The following SPIN3 variants were observed in gnomAD, a reference collection of about 807,000 sequenced individuals.
SPIN3 encodes the protein spindlin family member 3, also known as spindlin-3.
For synonymous variants in SPIN3, 74 were observed against 74.3 expected (o/e 1.00, Z 0.02); for missense variants, 176 against 196.4 (o/e 0.90, Z 0.62).
chrX:56,992,635 G>C lies in SPIN3; in HGVS notation c.*1536C>G, dbSNP rs749971647. 3.4e-6 allele frequency: 1 copy of C among 294,287 alleles called. No homozygotes were observed. Among genetic ancestry groups the C allele is most frequent in the South Asian group, 2.1e-4 (1 of 4,699 alleles). 24.3% of individuals were successfully genotyped at this position (294,287 alleles called of 1,213,427 possible). A position where few individuals can be genotyped will look rare whatever the true frequency, so the allele number is the denominator to read the frequency against. On this transcript the variant is annotated 3_prime_UTR_variant, in exon 2 of 2. Transcript: ENST00000374919. ...AGTCCCAATATGATTGTACTGCCTT[G>C]AGTCCCAGCCCCAAATGTGCAGAAC...
chrX:56,979,288 C>T (rs1924067163), intron 3 of SPIN3: 1 of 110,179 alleles, frequency 9.1e-6, no homozygotes. Context: ...GTTTCTTAGT[C>T]AAGCCCTACC....
intron 3 of SPIN3, among the ~76,000 whole-genome samples, chrX:56,983,602 G>A (rs758980759): frequency 1.8e-5 from 2 of 112,834 alleles, no homozygotes; most frequent in South Asian, 3.6e-4. Flanking sequence ...GTACTTCAGT[G>A]TTTAAGCAAG....
chrX:56,989,907 G>T (rs999727382), downstream of SPIN3, among the ~76,000 whole-genome samples: 4 of 110,970 alleles, frequency 3.6e-5, no homozygotes, highest in African/African-American at 9.8e-5. Context: ...CATAATAATA[G>T]AAATAAATTG....
In SPIN3 at chrX:56,994,397, C is replaced by A; in HGVS notation, c.551G>T (p.Gly184Val). 8.3e-7 allele frequency: 1 copy of A among 1,211,288 alleles called. No homozygotes were observed. Among genetic ancestry groups the A allele is most frequent in the Non-Finnish European group, 1.1e-6 (1 of 895,351 alleles). Residue 184 changes from glycine (G) to valine (V), a missense_variant, in exon 2 of 2, where the codon GGT becomes GTT. Transcript: ENST00000374919. ...GGAATCTTGAAGGATGCGGAGGTCA[C>A]CATCTTTATAATCATCTAAGAGCTG... The part of the protein sequence containing the change: ...MYQLLDDYKD[G>V]DLRILQDSND...
downstream of SPIN3, among the ~76,000 whole-genome samples, chrX:56,990,143 G>A (rs972424795): frequency 1.8e-5 from 2 of 111,218 alleles, no homozygotes; most frequent in East Asian, 2.8e-4. Context: ...TAAGCCAGCT[G>A]AGAATACATC....
chrX:56,994,757 G>T lies in SPIN3; in HGVS notation c.191C>A (p.Pro64His). 1 of 1,211,808 alleles carries T rather than the reference G, an allele frequency of 8.3e-7. No homozygotes were observed. Among genetic ancestry groups the T allele is most frequent in the Non-Finnish European group, 1.1e-6 (1 of 895,517 alleles). Residue 64 changes from proline (P) to histidine (H), a missense_variant, in exon 2 of 2, where the codon CCT becomes CAT. Transcript: ENST00000374919. Reference protein sequence around the residue: ...IQHGWKDGDEPLTQWKGTVLD... With the variant: ...IQHGWKDGDEHLTQWKGTVLD... ...AACGGTTCCTTTCCACTGTGTTAGAGGTTCATCTCCATCTTTCCATCCGTG... is the reference window on the plus strand; with the variant it reads ...AACGGTTCCTTTCCACTGTGTTAGATGTTCATCTCCATCTTTCCATCCGTG...
intron 2 of SPIN3, among the ~76,000 whole-genome samples, chrX:56,985,218 G>A (rs1382135414): frequency 8.9e-6 from 1 of 112,219 alleles, no homozygotes. Flanking sequence ...CCTTAAAACA[G>A]CAGAGAGATT....
Position 56,992,398 on chromosome X carries a change from G to A in SPIN3, c.*1773C>T, listed in dbSNP as rs948019082. 1.0e-5 allele frequency: 3 copies of A among 295,379 alleles called. No individual in the cohort carries two copies. The highest frequency in any genetic ancestry group is 1.8e-5 in the Non-Finnish European group (3 of 170,016). The allele number at this position is 295,379 out of a possible 1,213,427, so 24.3% of individuals were successfully genotyped here. A position where few individuals can be genotyped will look rare whatever the true frequency, so the allele number is the denominator to read the frequency against. On this transcript the variant is annotated 3_prime_UTR_variant, in exon 2 of 2. Coordinates refer to ENST00000374919, the MANE Select transcript of SPIN3 (RefSeq NM_001010862.3). Reference sequence around the variant, plus strand: ...AGCAAATATATGACCCCAGGACTTAGAACATAGGGCAATACAGACCCACAT... The same window carrying A: ...AGCAAATATATGACCCCAGGACTTAAAACATAGGGCAATACAGACCCACAT...
Position 56,993,912 on chromosome X carries a change from A to G in SPIN3, c.*259T>C, listed in dbSNP as rs533572753. On this transcript the variant is annotated 3_prime_UTR_variant, in exon 2 of 2. Transcript: ENST00000374919. ...ATCTATTAACACCACCCAAGATAAA[A>G]AAAAGTATGAGCCAATGGATGTCAG... 117 of 303,948 alleles carry G rather than the reference A, an allele frequency of 3.8e-4. 1 individual carries two copies. The East Asian group carries it at 5.6e-3, about 15-fold the overall frequency. 25.0% of individuals were successfully genotyped at this position (303,948 alleles called of 1,213,427 possible).
chrX:56,975,151 A>G (rs1923979088), downstream of SPIN3: 2 of 112,341 alleles, frequency 1.8e-5, no homozygotes, highest in Non-Finnish European at 3.8e-5. Flanking sequence ...TGAGACAAAT[A>G]TAAGTGACTA....
In SPIN3 at chrX:56,994,651, G is replaced by C. The variant is rs1602743876; in HGVS notation, c.297C>G (p.His99Gln). The C allele has an allele frequency of 8.3e-7, 1 of 1,210,129 alleles. No homozygotes were observed. The highest frequency in any genetic ancestry group is 2.2e-5 in the Admixed American group (1 of 45,793). ...CAAGTGATGACACTCTTTCATCTCT[G>C]TGAAGTTCCAATCCATAAACACAGT... is the stretch of plus-strand genomic sequence containing the variant. ...GFDCVYGLEL[H>Q]RDERVSSLEV... Residue 99 changes from histidine to glutamine, a missense_variant, in exon 2 of 2, where the codon CAC becomes CAG. Coordinates refer to ENST00000374919, the MANE Select transcript of SPIN3 (RefSeq NM_001010862.3).
chrX:56,988,754 A>G (rs1028388812), downstream of SPIN3, among the ~76,000 whole-genome samples: 3 of 111,489 alleles, frequency 2.7e-5, no homozygotes, highest in Non-Finnish European at 5.7e-5. Flanking sequence ...AATCTCTGTA[A>G]GAGGGCCCCA....
chrX:56,984,831 C>T (rs1924192392), intron 2 of SPIN3, among the ~76,000 whole-genome samples: 1 of 111,544 alleles, frequency 9.0e-6, no homozygotes, highest in African/African-American at 3.3e-5. Flanking sequence ...CCATGAACTG[C>T]ACACTCATAT....
downstream of SPIN3, chrX:56,976,126 A>G (rs1924002273): frequency 8.9e-6 from 1 of 112,066 alleles, no homozygotes; most frequent in Admixed American, 9.5e-5. Context: ...ATAGATATTG[A>G]GAATACTGCA....
chrX:56,989,893 A>G (rs1207253852), downstream of SPIN3, among the ~76,000 whole-genome samples: 1 of 111,509 alleles, frequency 9.0e-6, no homozygotes, highest in Non-Finnish European at 1.9e-5. Flanking sequence ...ATTATATATT[A>G]GAACATAATA....
intron 1 of SPIN3, 69 bp downstream of exon 1, chrX:56,995,147 G>A: frequency 5.0e-6 from 2 of 403,042 alleles, no homozygotes; most frequent in African/African-American, 2.5e-5. Flanking sequence ...AGCTCAGTCT[G>A]GCTAAGATCT....
chrX:56,995,374 G>A lies in SPIN3; in HGVS notation c.-161C>T, dbSNP rs150178930. ...AAAGCTGGGAGAGGATGATCCATAGGCAATGAGTGTCTCTAAGAGGGCGGC... is the reference window on the plus strand; with the variant it reads ...AAAGCTGGGAGAGGATGATCCATAGACAATGAGTGTCTCTAAGAGGGCGGC... On this transcript the variant is annotated 5_prime_UTR_variant, in exon 1 of 2. Transcript: ENST00000374919. 3.6e-3 allele frequency: 460 copies of A among 127,111 alleles called. 4 individuals are homozygous for A. The highest frequency in any genetic ancestry group is 0.014 in the African/African-American group (443 of 31,311). The allele number at this position is 127,111 out of a possible 1,213,427, so 10.5% of individuals were successfully genotyped here.
exon 3 of SPIN3, chrX:56,984,429 A>G (rs921977243): frequency 9.3e-6 from 3 of 322,125 alleles, no homozygotes; most frequent in Non-Finnish European, 1.8e-5. Flanking sequence ...ATACAATGAA[A>G]AGAAAGTCAT....
chrX:56,993,970 GGA>G lies in SPIN3; in HGVS notation c.*199_*200del. 2.5e-6 allele frequency: 1 copy of G among 395,993 alleles called. No individual in the cohort carries two copies. The highest frequency in any genetic ancestry group is 4.3e-6 in the Non-Finnish European group (1 of 232,589). 32.6% of individuals were successfully genotyped at this position (395,993 alleles called of 1,213,427 possible). A position where few individuals can be genotyped will look rare whatever the true frequency, so the allele number is the denominator to read the frequency against. ...CCTTCTCACTAATCAGTTAAATTGCGGAGAGGAACCAGTGAAAAGGTTGGACA... is the reference window on the plus strand; with the variant it reads ...CCTTCTCACTAATCAGTTAAATTGCGGAGGAACCAGTGAAAAGGTTGGACA... On this transcript the variant is annotated 3_prime_UTR_variant, in exon 2 of 2. Coordinates refer to ENST00000374919, the MANE Select transcript of SPIN3 (RefSeq NM_001010862.3).
Sources: allele counts gnomAD v4.1 joint callset (sites outside exome capture counted in the v4.1 genomes callset), GRCh38; gene constraint gnomAD v4.1.1; transcripts MANE v1.5; gene names NCBI Gene and HGNC (gene_info 2026-07-23, HGNC 2026-07-21).